BCL3: variants seen among roughly 807,000 people sequenced by gnomAD.
BCL3 encodes the protein BCL3 transcription coactivator.
In BCL3, 15 loss-of-function variants were observed where a neutral mutation model predicts 35.7. That is an observed-to-expected ratio of 0.42 (90% CI 0.28 to 0.65). The LOEUF (loss-of-function observed/expected upper bound fraction) is 0.65, where lower values mean the gene tolerates loss of function less well. Ranked by LOEUF, BCL3 falls within the 30% of genes least tolerant of loss-of-function variation. The probability of loss-of-function intolerance (pLI) is 0.22; values close to 1 mark genes in which losing one functional copy is unlikely to be tolerated. For synonymous variants in BCL3, 311 were observed against 284.3 expected, an observed-to-expected ratio of 1.09 and a Z score of -0.95; for missense variants, 565 against 641.7, an observed-to-expected ratio of 0.88 and a Z score of 1.29.
chr19:44,757,462 C>A lies in BCL3; in HGVS notation c.813+47C>A, dbSNP rs1385509336. 1.6e-5 allele frequency: 4 copies of A among 249,388 alleles called. No homozygotes were observed. The highest frequency in any genetic ancestry group is 2.7e-5 in the Non-Finnish European group (4 of 149,418). The allele number at this position is 249,388 out of a possible 1,614,324, so 15.4% of individuals were successfully genotyped here. On this transcript the variant is annotated intron_variant, in intron 5 of 8. Transcript: ENST00000164227. This position sits in a 1 kb window ranked among gnomAD's most constrained non-coding sequence, Gnocchi z 8.4. ...GGAGGGAGCGGGGCCTTAGCAGGGG[C>A]GGGGTCTTGGCGGGGGCGGGGCCAG... is the stretch of plus-strand genomic sequence containing the variant.
chr19:44,748,954 TC>T lies in BCL3; in HGVS notation c.169del (p.Leu57TrpfsTer48). On this transcript the variant is annotated frameshift_variant, in exon 1 of 9. Transcript: ENST00000164227. LOFTEE classifies it high-confidence loss of function. ...AAPRGAAGLVVPLDPLRGGCD... is the reference protein window; with the variant it reads ...AAPRGAAGLVXPLDPLRGGCD... ...CCCCGCGGCGCTGCGGGCCTTGTCG[TC>T]CCCCTGGACCCTCTGCGCGGCGGCT... 3.2e-6 allele frequency: 4 copies of T among 1,260,044 alleles called. No individual in the cohort carries two copies. The highest frequency in any genetic ancestry group is 3.8e-5 in the Admixed American group (1 of 26,252). 78.1% of individuals were successfully genotyped at this position (1,260,044 alleles called of 1,614,324 possible). A position where few individuals can be genotyped will look rare whatever the true frequency, so the allele number is the denominator to read the frequency against.
intron 1 of BCL3, 95 bp from the exon 2 acceptor site, chr19:44,751,132 G>A (rs981220761): frequency 1.4e-6 from 2 of 1,476,128 alleles, no homozygotes; most frequent in Non-Finnish European, 1.8e-6. Context: ...AAGGGCAGGT[G>A]ACACCACAGG....
In BCL3 at chr19:44,748,808, G is replaced by T; in HGVS notation, c.18G>T (p.Ala6=). 9.0e-7 allele frequency: 1 copy of T among 1,107,954 alleles called. No individual in the cohort carries two copies. Among genetic ancestry groups the T allele is most frequent in the South Asian group, 4.3e-5 (1 of 23,264 alleles). 68.6% of individuals were successfully genotyped at this position (1,107,954 alleles called of 1,614,324 possible). A position where few individuals can be genotyped will look rare whatever the true frequency, so the allele number is the denominator to read the frequency against. Residue 6 remains alanine (A), a synonymous_variant, in exon 1 of 9, where the codon GCG becomes GCT. Coordinates refer to ENST00000164227, the MANE Select transcript of BCL3 (RefSeq NM_005178.5). ...GCGGCCCCATGCCCCGATGCCCCGC[G>T]GGGGCCATGGACGAGGGGCCCGTGG... MPRCP[A]GAMDEGPVDL...
At chr19:44,755,032 C>T (rs147240905) in intron 2 of BCL3, 1 of 152,340 alleles carries the variant, frequency 6.6e-6, no homozygotes, top group Non-Finnish European at 1.5e-5. Context: ...AAAGGAATTA[C>T]TTAGTAAACT....
chr19:44,747,962 C>A, upstream of BCL3: 3 of 1,300,892 alleles, frequency 2.3e-6, no homozygotes, highest in Non-Finnish European at 3.0e-6. Flanking sequence ...CCTTTAGACC[C>A]ACAGCTGATG....
chr19:44,758,484 C>A, intron 7 of BCL3, 71 bp downstream of exon 7: 1 of 1,495,754 alleles, frequency 6.7e-7, no homozygotes, highest in South Asian at 1.3e-5. Context: ...GCGAGTGTGC[C>A]AGAGCGCAGA....
Position 44,748,763 on chromosome 19 carries a change from C to G in BCL3, c.-28C>G. The G allele has an allele frequency of 9.1e-7, 1 of 1,095,280 alleles. No homozygotes were observed. The highest frequency in any genetic ancestry group is 1.1e-6 in the Non-Finnish European group (1 of 900,802). The allele number at this position is 1,095,280 out of a possible 1,614,324, so 67.8% of individuals were successfully genotyped here. A position where few individuals can be genotyped will look rare whatever the true frequency, so the allele number is the denominator to read the frequency against. On this transcript the variant is annotated 5_prime_UTR_variant, in exon 1 of 9. Coordinates refer to ENST00000164227, the MANE Select transcript of BCL3 (RefSeq NM_005178.5). ...CCTCCCGTGCAGCCGAGCCCAGCCGCTCTCCGGCCGCCGTCCCCGGCGGCC... is the reference window on the plus strand; with the variant it reads ...CCTCCCGTGCAGCCGAGCCCAGCCGGTCTCCGGCCGCCGTCCCCGGCGGCC...
In BCL3 at chr19:44,756,300, AG is replaced by A; in HGVS notation, c.485del (p.Gly162AlafsTer19). ...AVHRLVNLFQ[Q>X]GGRELDIYNN... ...CACCGGCTGGTCAACCTCTTCCAGC[AG>A]GGGGGCCGGGAGCTCGACATCTACA... On this transcript the variant is annotated frameshift_variant, in exon 3 of 9. Coordinates refer to ENST00000164227, the MANE Select transcript of BCL3 (RefSeq NM_005178.5). LOFTEE classifies it high-confidence loss of function. The A allele has an allele frequency of 1.2e-5, 18 of 1,547,626 alleles. No individual in the cohort carries two copies. The highest frequency in any genetic ancestry group is 3.7e-5 in the Admixed American group (2 of 53,668).
At chr19:44,756,675 C>G (rs535691422) in intron 3 of BCL3, among the ~76,000 whole-genome samples, 1 of 150,882 alleles carries the variant, frequency 6.6e-6, no homozygotes, top group Non-Finnish European at 1.5e-5. Flanking sequence ...CTCTAAGTAG[C>G]GAGGTGCTCC....
At chr19:44,751,426 A>T (rs1967178524) in intron 2 of BCL3, 46 bp downstream of exon 2, 1 of 1,512,800 alleles carries the variant, frequency 6.6e-7, no homozygotes, top group Non-Finnish European at 8.8e-7. Context: ...TGGGAAGACC[A>T]GCCGTCCATA....
Position 44,748,918 on chromosome 19 carries a change from A to G in BCL3, c.128A>G (p.Glu43Gly). ...CGCCCGCTGCGCGCGCCCTCCCCGG[A>G]GCCCGCCGCTCCCCGCGGCGCTGCG... The part of the protein sequence containing the change: ...RKRPLRAPSP[E>G]PAAPRGAAGL... The change falls in exon 1 of 9, where the codon GAG (glutamate) becomes GGG (glycine). Residue 43 changes from glutamate (E) to glycine (G), a missense_variant. This residue lies in a region of BCL3 where 267 missense variants were observed against 281.5 expected (regional missense o/e 0.95). Transcript: ENST00000164227. 2.6e-6 allele frequency: 3 copies of G among 1,167,556 alleles called. No individual in the cohort carries two copies. The highest frequency in any genetic ancestry group is 3.2e-6 in the Non-Finnish European group (3 of 948,112). 72.3% of individuals were successfully genotyped at this position (1,167,556 alleles called of 1,614,324 possible). A position where few individuals can be genotyped will look rare whatever the true frequency, so the allele number is the denominator to read the frequency against.
chr19:44,748,535 C>A (rs955715412), upstream of BCL3: 13 of 236,136 alleles, frequency 5.5e-5, no homozygotes, highest in Admixed American at 2.6e-4. Context: ...AGGGGGCAAG[C>A]GGGGCGCGGC....
intron 7 of BCL3, 44 bp from the exon 8 acceptor site, chr19:44,758,680 T>G (rs1967348656): frequency 2.7e-6 from 4 of 1,496,410 alleles, no homozygotes; most frequent in Non-Finnish European, 3.6e-6. Context: ...GAGAGAGGAC[T>G]GTGAGGCATG....
At position 44,748,741 on chromosome 19, in the gene BCL3, C is replaced by T. The variant is rs1468800892; in HGVS notation, c.-50C>T. 5.6e-6 allele frequency: 6 copies of T among 1,077,368 alleles called. No homozygotes were observed. Among genetic ancestry groups the T allele is most frequent in the African/African-American group, 3.4e-5 (2 of 58,978 alleles). 66.7% of individuals were successfully genotyped at this position (1,077,368 alleles called of 1,614,324 possible). Reference sequence around the variant, plus strand: ...TCCCGGCGCCCGGCGAAACCACCCTCCCGTGCAGCCGAGCCCAGCCGCTCT... The same window carrying T: ...TCCCGGCGCCCGGCGAAACCACCCTTCCGTGCAGCCGAGCCCAGCCGCTCT... On this transcript the variant is annotated 5_prime_UTR_variant, in exon 1 of 9. Transcript: ENST00000164227.
intron 3 of BCL3, among the ~76,000 whole-genome samples, chr19:44,756,676 G>A (rs542791617): frequency 5.3e-5 from 8 of 151,758 alleles, no homozygotes; most frequent in African/African-American, 1.9e-4. Flanking sequence ...TCTAAGTAGC[G>A]AGGTGCTCCA....
At position 44,750,718 on chromosome 19, in the gene BCL3, G is replaced by A. The variant is rs139552723; in HGVS notation, c.257-509G>A. 4.3e-3 allele frequency among the ~76,000 whole-genome samples: 650 copies of A among 152,238 alleles called. 5 individuals carry two copies. The highest frequency in any genetic ancestry group is 0.015 in the African/African-American group (615 of 41,536). On this transcript the variant is annotated intron_variant, in intron 1 of 8. Coordinates refer to ENST00000164227, the MANE Select transcript of BCL3 (RefSeq NM_005178.5). ...GAATCGCTTGAACCTGGGAGGCAGAGGTTGCAGTGGGGCAAGATCGTGCCA... is the reference window on the plus strand; with the variant it reads ...GAATCGCTTGAACCTGGGAGGCAGAAGTTGCAGTGGGGCAAGATCGTGCCA...
chr19:44,749,008 C>T lies in BCL3; in HGVS notation c.218C>T (p.Pro73Leu), dbSNP rs1967123669. 4.3e-6 allele frequency: 6 copies of T among 1,385,854 alleles called. No individual in the cohort carries two copies. Among genetic ancestry groups the T allele is most frequent in the Admixed American group, 5.9e-5 (2 of 33,816 alleles). The allele number at this position is 1,385,854 out of a possible 1,614,324, so 85.8% of individuals were successfully genotyped here. ...GCDLPAVPGP[P>L]HGLARPEALY... ...GACCTGCCGGCGGTCCCCGGGCCCC[C>T]CCACGGCCTGGCCCGGCCGGAGGCG... is the stretch of plus-strand genomic sequence containing the variant. Residue 73 changes from proline (P) to leucine (L), a missense_variant, in exon 1 of 9, where the codon CCC becomes CTC. Physicochemically the swap from Pro to Leu is moderately conservative, Grantham distance 98. Coordinates refer to ENST00000164227, the MANE Select transcript of BCL3 (RefSeq NM_005178.5).
intron 7 of BCL3, 46 bp downstream of exon 7, chr19:44,758,459 G>C: frequency 6.6e-7 from 1 of 1,513,866 alleles, no homozygotes; most frequent in African/African-American, 1.4e-5. Context: ...ACGTGTGTCC[G>C]CGGGCTGGTT....
chr19:44,757,214 T>C lies in BCL3; in HGVS notation c.717T>C (p.Asn239=), dbSNP rs770186550. 1.2e-5 allele frequency: 19 copies of C among 1,553,298 alleles called. No homozygotes were observed. Among genetic ancestry groups the C allele is most frequent in the Non-Finnish European group, 1.5e-5 (17 of 1,144,940 alleles). Residue 239 remains asparagine, a synonymous_variant, in exon 4 of 9, where the codon AAT becomes AAC. Transcript: ENST00000164227. This position sits in a 1 kb window ranked among gnomAD's most constrained non-coding sequence, Gnocchi z 8.4. ...GCACGTTGGACCTGGAGGCCCGCAA[T>C]TATGACGGTAAGCATTTACCGCGGG... The part of the protein sequence containing the change: ...APGTLDLEAR[N]YDGLTALHVA...
Sources: gnomAD v4.1 joint callset for allele counts (sites outside exome capture counted in the v4.1 genomes callset) on GRCh38, gnomAD v4.1.1 for gene constraint, gnomAD v4.1.1 regional missense constraint, Gnocchi (gnomAD v3.1) non-coding constraint, MANE v1.5 for transcripts, NCBI Gene and HGNC (gene_info 2026-07-23, HGNC 2026-07-21) for gene names.